LAMA2: variants seen among roughly 807,000 people sequenced by gnomAD.
The protein encoded by LAMA2 is laminin subunit alpha-2.
In LAMA2, 269 loss-of-function variants were observed where a neutral mutation model predicts 364.8. The observed-to-expected ratio is 0.74, with a 90% confidence interval of 0.67 to 0.82. The LOEUF (loss-of-function observed/expected upper bound fraction) is 0.82. LAMA2 is among the 40% of genes least tolerant of loss of function. The pLI is 0.00. For missense variants in LAMA2, 3,807 were observed against 3,873.2 expected (o/e 0.98, Z 0.45); for synonymous variants, 1,379 against 1,370.6 (o/e 1.01, Z -0.14).
chr6:129,487,408 G>GA (rs1784646008), intron 56 of LAMA2, among the ~76,000 whole-genome samples: 1 of 152,084 alleles, frequency 6.6e-6, no homozygotes, highest in South Asian at 2.1e-4. Flanking sequence ...GACAATTAGA[G>GA]AAAAAAGAAA....
At chr6:129,412,655 A>T (rs1780593604) in intron 40 of LAMA2, among the ~76,000 whole-genome samples, 1 of 152,230 alleles carries the variant, frequency 6.6e-6, no homozygotes, top group African/African-American at 2.4e-5. Flanking sequence ...TGCCTCAAGA[A>T]ATAACCCCTG....
intron 9 of LAMA2, among the ~76,000 whole-genome samples, chr6:129,168,255 A>G: frequency 6.6e-6 from 1 of 150,448 alleles, no homozygotes; most frequent in Non-Finnish European, 1.5e-5. Flanking sequence ...TATGTCCTGA[A>G]TGGTACTGCC....
At chr6:129,309,961 G>A (rs1422902178) in intron 22 of LAMA2, among the ~76,000 whole-genome samples, 2 of 147,662 alleles carry the variant, frequency 1.4e-5, no homozygotes, top group Admixed American at 6.9e-5. Flanking sequence ...GTGCAGTGGC[G>A]CGATCTCGGC....
intron 1 of LAMA2, among the ~76,000 whole-genome samples, chr6:128,935,612 C>T (rs989391809): frequency 6.6e-6 from 1 of 152,054 alleles, no homozygotes; most frequent in Non-Finnish European, 1.5e-5. Flanking sequence ...AATATAGATG[C>T]ACGACTGATT....
intron 1 of LAMA2, among the ~76,000 whole-genome samples, chr6:128,917,176 T>TTA (rs1260366112): frequency 6.8e-6 from 1 of 146,944 alleles, no homozygotes; most frequent in African/African-American, 2.5e-5. Context: ...AAGCCTTTTT[T>TTA]AAAAAAAAAA....
At chr6:129,456,785 G>A (rs112211979) in intron 48 of LAMA2, among the ~76,000 whole-genome samples, 2 of 152,196 alleles carry the variant, frequency 1.3e-5, no homozygotes, top group African/African-American at 4.8e-5. Context: ...AGAGCAAAGT[G>A]TTTTTTAAGT....
intron 57 of LAMA2, 45 bp from the exon 58 acceptor site, chr6:129,492,270 C>CA (rs1162596011): frequency 7.5e-6 from 12 of 1,593,634 alleles, no homozygotes; most frequent in African/African-American, 2.7e-5. Flanking sequence ...TGTAAGGAAG[C>CA]AAAAAAACGA....
At chr6:129,377,890 T>C (rs1025647855) in intron 34 of LAMA2, among the ~76,000 whole-genome samples, 5 of 151,916 alleles carry the variant, frequency 3.3e-5, no homozygotes, top group African/African-American at 1.2e-4. Flanking sequence ...CAGAAGTAAA[T>C]TAACGTGTGC....
chr6:129,263,658 A>G (rs1364022850), intron 15 of LAMA2, among the ~76,000 whole-genome samples: 1 of 152,210 alleles, frequency 6.6e-6, no homozygotes, highest in Admixed American at 6.5e-5. Flanking sequence ...TGAGCATTTT[A>G]TTCTCATGGC....
intron 1 of LAMA2, among the ~76,000 whole-genome samples, chr6:128,928,166 A>C (rs1562839717): frequency 6.6e-6 from 1 of 152,228 alleles, no homozygotes; most frequent in Non-Finnish European, 1.5e-5. Context: ...GAAGTCTCAG[A>C]CTGTTATTTG....
chr6:129,500,090 G>A (rs1256180727), intron 58 of LAMA2, among the ~76,000 whole-genome samples: 1 of 151,932 alleles, frequency 6.6e-6, no homozygotes, highest in Non-Finnish European at 1.5e-5. Context: ...GTTTACCCAA[G>A]GAAAAGTGAT....
intron 1 of LAMA2, among the ~76,000 whole-genome samples, chr6:128,937,713 TTTTG>T (rs1301374224): frequency 3.3e-5 from 5 of 152,030 alleles, no homozygotes; most frequent in Admixed American, 6.6e-5. Flanking sequence ...GGTTTGTCAA[TTTTG>T]TTTATCTTTA....
At chr6:129,349,528 C>T (rs1776743122) in intron 31 of LAMA2, 144 bp downstream of exon 31, 1 of 700,054 alleles carries the variant, frequency 1.4e-6, no homozygotes, top group Admixed American at 2.3e-5. Flanking sequence ...TTCAAAACCA[C>T]TTGTGTATCT....
In LAMA2 at chr6:129,260,763, A is replaced by G. The variant is rs369049149; in HGVS notation, c.2149A>G (p.Ile717Val). The G allele has an allele frequency of 4.6e-5, 74 of 1,612,854 alleles. No homozygotes were observed. The highest frequency in any genetic ancestry group is 1.6e-4 in the Middle Eastern group (1 of 6,076). Reference protein sequence around the residue: ...SAVSYPTDGSIAAAVEVCQCP... With the variant: ...SAVSYPTDGSVAAAVEVCQCP... ...TGTCTCCTATCCTACTGATGGAAGC[A>G]TTGCAGCAGCTGTAGAAGTGTGTCA... is the stretch of plus-strand genomic sequence containing the variant. Residue 717 changes from isoleucine to valine, a missense_variant, in exon 15 of 65, where the codon ATT becomes GTT. Around this residue, in one of 3 missense-constraint regions of LAMA2, gnomAD observed 3,333 missense variants for 3,345.7 expected, o/e 1.00. Transcript: ENST00000421865.
chr6:128,950,859 T>C (rs1051698864), intron 1 of LAMA2, among the ~76,000 whole-genome samples: 3 of 152,132 alleles, frequency 2.0e-5, no homozygotes, highest in Non-Finnish European at 4.4e-5. Context: ...CATATACATG[T>C]AAGGTGCTTA....
At chr6:128,940,971 A>G (rs893264549) in intron 1 of LAMA2, among the ~76,000 whole-genome samples, 6 of 152,290 alleles carry the variant, frequency 3.9e-5, no homozygotes, top group African/African-American at 1.4e-4. Context: ...TTTTTAAATA[A>G]GAAAGTTTTA....
chr6:128,981,813 G>GTAAA (rs1395064419), intron 1 of LAMA2, among the ~76,000 whole-genome samples: 4 of 151,992 alleles, frequency 2.6e-5, no homozygotes, highest in Non-Finnish European at 5.9e-5. Context: ...TCTTTCCTTG[G>GTAAA]TAAATACTCT....
At chr6:129,162,209 T>C (rs897386370) in intron 8 of LAMA2, among the ~76,000 whole-genome samples, 1 of 152,208 alleles carries the variant, frequency 6.6e-6, no homozygotes, top group African/African-American at 2.4e-5. Context: ...TGTGAGATGG[T>C]AGTATTTTAA....
At chr6:129,421,258 A>C (rs1347644989) in intron 40 of LAMA2, among the ~76,000 whole-genome samples, 2 of 152,088 alleles carry the variant, frequency 1.3e-5, no homozygotes, top group East Asian at 3.8e-4. Context: ...AAAAACATAC[A>C]GCAACTTACA....
Sources: allele counts gnomAD v4.1 joint callset (sites outside exome capture counted in the v4.1 genomes callset), GRCh38; gene constraint gnomAD v4.1.1; regional missense constraint gnomAD v4.1.1; transcripts MANE v1.5; gene names NCBI Gene and HGNC (gene_info 2026-07-23, HGNC 2026-07-21).